The following ADCY9 variants were observed in gnomAD, a reference collection of about 807,000 sequenced individuals.
ADCY9 encodes the protein adenylate cyclase 9.
In ADCY9, 50 loss-of-function variants were observed where a neutral mutation model predicts 101.5. That is an observed-to-expected ratio of 0.49 (90% CI 0.39 to 0.62). ADCY9 has a LOEUF of 0.62. Among genes scored for constraint, ADCY9 ranks in the 20% least tolerant of loss-of-function variants. The probability of loss-of-function intolerance (pLI) is 0.00; values close to 1 mark genes in which losing one functional copy is unlikely to be tolerated. For synonymous variants in ADCY9, 905 were observed against 769.3 expected (o/e 1.18, Z -2.92); for missense variants, 1,662 against 1,800.4 (o/e 0.92, Z 1.39).
Position 3,965,883 on chromosome 16 carries a change from G to A in ADCY9, c.3954C>T (p.Ala1318=), listed in dbSNP as rs139771044. 208 of 1,614,142 alleles carry A rather than the reference G, an allele frequency of 1.3e-4. No homozygotes were observed. The highest frequency in any genetic ancestry group is 3.6e-4 in the South Asian group (33 of 91,078). ...PKRPWKEPVK[A]EERGRFGKAI... is the part of the protein sequence containing the mutation. ...CTTTGCCAAATCGACCCCTTTCTTC[G>A]GCTTTGACGGGCTCCTTCCACGGTC... Residue 1318 remains alanine (A), a synonymous_variant, in exon 11 of 11, where the codon GCC becomes GCT. Transcript: ENST00000294016.
intron 9 of ADCY9, among the ~76,000 whole-genome samples, chr16:3,976,440 G>C (rs1239675925): frequency 3.9e-5 from 6 of 152,130 alleles, no homozygotes; most frequent in Admixed American, 3.9e-4. Context: ...GTAGTACAAT[G>C]ATGAGAACTG....
chr16:4,068,860 G>C (rs1001491273), intron 2 of ADCY9, among the ~76,000 whole-genome samples: 2 of 150,622 alleles, frequency 1.3e-5, no homozygotes, highest in South Asian at 2.1e-4. Context: ...TTGCACATAT[G>C]GGTACACGCA....
At chr16:4,013,270 AC>A (rs2056415942) in intron 2 of ADCY9, among the ~76,000 whole-genome samples, 5 of 151,792 alleles carry the variant, frequency 3.3e-5, no homozygotes, top group African/African-American at 1.2e-4. Flanking sequence ...AAAAAGAAAA[AC>A]AAGCCAGGCG....
intron 2 of ADCY9, among the ~76,000 whole-genome samples, chr16:4,075,518 A>T (rs889476576): frequency 6.6e-6 from 1 of 152,208 alleles, no homozygotes; most frequent in Non-Finnish European, 1.5e-5. Context: ...TTTACAGCAG[A>T]AGAGGTAAGG....
chr16:3,968,473 A>C (rs574255741), intron 10 of ADCY9, among the ~76,000 whole-genome samples: 107 of 152,268 alleles, frequency 7.0e-4, no homozygotes, highest in Middle Eastern at 3.4e-3. Context: ...ATCATTTTAC[A>C]AATAGCTTTT....
intron 3 of ADCY9, 151 bp from the exon 4 acceptor site, chr16:3,993,661 C>A: frequency 1.0e-6 from 1 of 973,518 alleles, no homozygotes; most frequent in Non-Finnish European, 1.5e-6. Flanking sequence ...GAGCTGAAAG[C>A]CAACGGGCAA....
At chr16:4,048,462 C>G (rs2056680251) in intron 2 of ADCY9, among the ~76,000 whole-genome samples, 1 of 152,122 alleles carries the variant, frequency 6.6e-6, no homozygotes. Context: ...AATGGCAGTA[C>G]AATGGCAAAC....
At chr16:4,013,533 C>T (rs1017005073) in intron 2 of ADCY9, among the ~76,000 whole-genome samples, 1 of 152,184 alleles carries the variant, frequency 6.6e-6, no homozygotes, top group African/African-American at 2.4e-5. Context: ...AGCCACATAG[C>T]ATAACAAATG....
intron 9 of ADCY9, among the ~76,000 whole-genome samples, chr16:3,976,134 G>A (rs1218738580): frequency 6.6e-6 from 1 of 152,090 alleles, no homozygotes; most frequent in Non-Finnish European, 1.5e-5. Flanking sequence ...TGGGACTACA[G>A]GTGCACACCG....
At chr16:3,962,076 G>A (rs1037627263), downstream of ADCY9, among the ~76,000 whole-genome samples, 6 of 152,102 alleles carry the variant, frequency 3.9e-5, no homozygotes, top group Non-Finnish European at 5.9e-5. Flanking sequence ...CCCCTACAGG[G>A]GAAGGGGCTC....
chr16:3,990,515 G>A (rs1326616759), intron 5 of ADCY9, among the ~76,000 whole-genome samples: 2 of 151,444 alleles, frequency 1.3e-5, no homozygotes, highest in Admixed American at 6.6e-5. Context: ...AGTGCCTCAT[G>A]TGCCCCCCAC....
intron 2 of ADCY9, among the ~76,000 whole-genome samples, chr16:4,102,377 GC>G (rs1445558761): frequency 6.6e-6 from 1 of 152,036 alleles, no homozygotes; most frequent in African/African-American, 2.4e-5. Flanking sequence ...TCAAGGGTGA[GC>G]CCTTCCAAAA....
chr16:4,106,543 A>T (rs1259204415), intron 2 of ADCY9, among the ~76,000 whole-genome samples: 1 of 152,186 alleles, frequency 6.6e-6, no homozygotes, highest in Non-Finnish European at 1.5e-5. Context: ...GCAAAGTACA[A>T]ATGATATGCC....
At position 3,992,241 on chromosome 16, in the gene ADCY9, C is replaced by G. The variant is rs369368225; in HGVS notation, c.2112G>C (p.Gly704=). The change falls in exon 5 of 11, where the codon GGG becomes GGC. Residue 704 remains glycine, a synonymous_variant. Coordinates refer to ENST00000294016, the MANE Select transcript of ADCY9 (RefSeq NM_001116.4). The surrounding 1 kb of genome is among the most constrained non-coding windows in gnomAD (Gnocchi z 4.2). ...GGAGAGCCGACTGGTCCAGGCTCAC[C>G]CCTGCCCACCTTCCCTTCTCCTGCA... ...EILQEKGRWA[G]VSLDQSALLP... 1.9e-6 allele frequency: 3 copies of G among 1,614,190 alleles called. No individual in the cohort carries two copies. Among genetic ancestry groups the G allele is most frequent in the Non-Finnish European group, 2.5e-6 (3 of 1,180,036 alleles).
intron 3 of ADCY9, among the ~76,000 whole-genome samples, chr16:4,000,171 A>C (rs1345440998): frequency 6.6e-6 from 1 of 152,202 alleles, no homozygotes; most frequent in Non-Finnish European, 1.5e-5. Context: ...CCACAAACAC[A>C]ATTTCCTGAG....
intron 2 of ADCY9, among the ~76,000 whole-genome samples, chr16:4,108,796 C>A (rs1410961739): frequency 6.6e-6 from 1 of 150,616 alleles, no homozygotes. Flanking sequence ...ACCTCCGTCT[C>A]CCAGGTTCAA....
intron 2 of ADCY9, among the ~76,000 whole-genome samples, chr16:4,110,780 G>A (rs976307467): frequency 1.3e-5 from 2 of 152,204 alleles, no homozygotes; most frequent in East Asian, 1.9e-4. Flanking sequence ...TGGGTTGTCA[G>A]GTCACGGCCA....
At chr16:4,042,442 A>C (rs535713352) in intron 2 of ADCY9, among the ~76,000 whole-genome samples, 142 of 152,326 alleles carry the variant, frequency 9.3e-4, no homozygotes, top group African/African-American at 3.4e-3. Flanking sequence ...ATTATTTACA[A>C]AATGAATTCT....
chr16:4,084,275 C>A (rs1355424366), intron 2 of ADCY9, among the ~76,000 whole-genome samples: 2 of 151,992 alleles, frequency 1.3e-5, no homozygotes, highest in African/African-American at 4.8e-5. Flanking sequence ...CCACGCCCAG[C>A]TAATTTTTAT....
Sources: allele counts gnomAD v4.1 joint callset (sites outside exome capture counted in the v4.1 genomes callset), GRCh38; gene constraint gnomAD v4.1.1; non-coding constraint Gnocchi (gnomAD v3.1); transcripts MANE v1.5; gene names NCBI Gene and HGNC (gene_info 2026-07-23, HGNC 2026-07-21).